SEL1L: variants seen among roughly 807,000 people sequenced by gnomAD.
SEL1L encodes protein sel-1 homolog 1.
SEL1L carries 52 observed loss-of-function variants against 109.8 expected under a neutral mutation model. That is an observed-to-expected ratio of 0.47 (90% CI 0.38 to 0.60). The LOEUF is 0.60. Among genes scored for constraint, SEL1L ranks in the 20% least tolerant of loss-of-function variants. The pLI is 0.00. For missense variants in SEL1L, 749 were observed against 962.2 expected (o/e 0.78, Z 2.93); for synonymous variants, 373 against 339.6 (o/e 1.10, Z -1.08).
intron 3 of SEL1L, among the ~76,000 whole-genome samples, chr14:81,522,822 A>G (rs1012135672): frequency 6.6e-6 from 1 of 152,194 alleles, no homozygotes; most frequent in Non-Finnish European, 1.5e-5. Context: ...GACTACTTCT[A>G]ATACCTAATA....
intron 3 of SEL1L, among the ~76,000 whole-genome samples, chr14:81,507,761 C>T (rs1884300860): frequency 1.3e-5 from 2 of 151,870 alleles, no homozygotes; most frequent in South Asian, 4.1e-4. Context: ...ACCAGAGGTC[C>T]AGGACTAAGC....
chr14:81,476,905 C>T lies in SEL1L; in HGVS notation c.*67G>A. ...TGACCACTGATCCAAGGTCCTAAAT[C>T]AAATGCAAGTGTTCCCAGCAGATAA... On this transcript the variant is annotated 3_prime_UTR_variant, in exon 21 of 21. Transcript: ENST00000336735. The T allele has an allele frequency of 6.5e-7, 1 of 1,534,804 alleles. No individual in the cohort carries two copies. Among genetic ancestry groups the T allele is most frequent in the South Asian group, 1.2e-5 (1 of 86,656 alleles).
At chr14:81,515,299 ATACAGATGTCC>A (rs1884657129) in intron 3 of SEL1L, among the ~76,000 whole-genome samples, 1 of 152,226 alleles carries the variant, frequency 6.6e-6, no homozygotes, top group Non-Finnish European at 1.5e-5. Flanking sequence ...CCTGATAGGT[ATACAGATGTCC>A]TACAGGGTCT....
chr14:81,508,392 T>C (rs1229696652), intron 3 of SEL1L, among the ~76,000 whole-genome samples: 3 of 152,002 alleles, frequency 2.0e-5, no homozygotes, highest in African/African-American at 7.3e-5. Flanking sequence ...GACTACAGAA[T>C]TTGGAAAGGA....
At chr14:81,482,210 T>G (rs1010018564) in intron 19 of SEL1L, among the ~76,000 whole-genome samples, 2 of 152,210 alleles carry the variant, frequency 1.3e-5, no homozygotes, top group African/African-American at 4.8e-5. Flanking sequence ...AGCTATACAG[T>G]GTATTACAAA....
intron 1 of SEL1L, among the ~76,000 whole-genome samples, chr14:81,533,074 C>T (rs1448990351): frequency 1.3e-5 from 2 of 152,218 alleles, no homozygotes; most frequent in Admixed American, 1.3e-4. Context: ...CATAAAATGA[C>T]TGTCAACAAA....
At chr14:81,484,630 G>T (rs769592358) in intron 18 of SEL1L, 2 of 395,098 alleles carry the variant, frequency 5.1e-6, no homozygotes, top group East Asian at 7.9e-5. Context: ...AACCAAGTTG[G>T]TGTGTGTGTA....
intron 19 of SEL1L, among the ~76,000 whole-genome samples, 198 bp from the exon 20 acceptor site, chr14:81,479,938 T>C (rs778274136): frequency 6.6e-6 from 1 of 152,188 alleles, no homozygotes; most frequent in Non-Finnish European, 1.5e-5. Context: ...AAAACTTAAT[T>C]AAAAAACTCA....
intron 19 of SEL1L, among the ~76,000 whole-genome samples, chr14:81,483,718 C>G (rs531581698): frequency 7.9e-5 from 12 of 152,134 alleles, no homozygotes; most frequent in African/African-American, 2.7e-4. Context: ...CCCTTTGAAA[C>G]TTAAGAAAAA....
intron 15 of SEL1L, 106 bp from the exon 16 acceptor site, chr14:81,487,644 T>C (rs773224537): frequency 8.0e-5 from 122 of 1,516,780 alleles, no homozygotes; most frequent in Non-Finnish European, 9.7e-5. Context: ...GAATTCTTAC[T>C]GAGTAAATAT....
At chr14:81,512,772 A>G (rs974560636) in intron 3 of SEL1L, among the ~76,000 whole-genome samples, 31 of 152,236 alleles carry the variant, frequency 2.0e-4, no homozygotes, top group African/African-American at 7.5e-4. Context: ...TGGGTATTCT[A>G]TAATAGGGAA....
At position 81,498,484 on chromosome 14, in the gene SEL1L, T is replaced by G. The variant is rs1345016449; in HGVS notation, c.902A>C (p.Tyr301Ser). Reference protein sequence around the residue: ...LIAHMVLGYRYWAGIGVLQSC... With the variant: ...LIAHMVLGYRSWAGIGVLQSC... Reference sequence around the variant, plus strand: ...CTGGAGGACGCCGATGCCAGCCCAGTATCTGTAACCCTGTAAAACAACTTC... The same window carrying G: ...CTGGAGGACGCCGATGCCAGCCCAGGATCTGTAACCCTGTAAAACAACTTC... Residue 301 changes from tyrosine to serine, a missense_variant, in exon 9 of 21, where the codon TAC becomes TCC. Transcript: ENST00000336735. 1.2e-6 allele frequency: 2 copies of G among 1,613,924 alleles called. No homozygotes were observed. Among genetic ancestry groups the G allele is most frequent in the Admixed American group, 3.3e-5 (2 of 59,992 alleles).
intron 3 of SEL1L, among the ~76,000 whole-genome samples, chr14:81,522,921 A>T (rs561470637): frequency 6.6e-6 from 1 of 152,334 alleles, no homozygotes; most frequent in Admixed American, 6.5e-5. Context: ...GTACAGTTGC[A>T]ACCACCCATT....
intron 3 of SEL1L, among the ~76,000 whole-genome samples, chr14:81,510,257 G>A (rs1273722865): frequency 6.6e-6 from 1 of 152,128 alleles, no homozygotes; most frequent in Non-Finnish European, 1.5e-5. Flanking sequence ...TGCTGGAGCT[G>A]GATTACAGAA....
At chr14:81,506,336 A>C (rs1884237738) in intron 3 of SEL1L, 95 bp from the exon 4 acceptor site, 2 of 1,065,168 alleles carry the variant, frequency 1.9e-6, no homozygotes, top group Non-Finnish European at 2.6e-6. Context: ...AATTTGAAGC[A>C]AAGATTCATG....
intron 3 of SEL1L, among the ~76,000 whole-genome samples, chr14:81,510,478 C>A (rs555258781): frequency 1.0e-4 from 9 of 90,242 alleles, no homozygotes; most frequent in Non-Finnish European, 1.9e-4. Flanking sequence ...GCTGATCTCT[C>A]TCTCTCTCTC....
intron 3 of SEL1L, among the ~76,000 whole-genome samples, chr14:81,521,037 T>C (rs1344098980): frequency 6.6e-6 from 1 of 152,200 alleles, no homozygotes; most frequent in African/African-American, 2.4e-5. Context: ...ATGATAATTT[T>C]ATCTTTGAAA....
At chr14:81,478,446 T>C (rs1186310878) in intron 20 of SEL1L, among the ~76,000 whole-genome samples, 3 of 152,088 alleles carry the variant, frequency 2.0e-5, no homozygotes, top group Non-Finnish European at 2.9e-5. Flanking sequence ...AAAGATACAA[T>C]ATACCCAGTA....
At chr14:81,518,952 T>A (rs912225266) in intron 3 of SEL1L, among the ~76,000 whole-genome samples, 2 of 152,180 alleles carry the variant, frequency 1.3e-5, no homozygotes, top group South Asian at 4.1e-4. Flanking sequence ...GAAGGCTGGC[T>A]TCCAAGGTTG....
Sources: gnomAD v4.1 joint callset for allele counts (sites outside exome capture counted in the v4.1 genomes callset) on GRCh38, gnomAD v4.1.1 for gene constraint, MANE v1.5 for transcripts, NCBI Gene and HGNC (gene_info 2026-07-23, HGNC 2026-07-21) for gene names.